The following NREP variants were observed in gnomAD, a reference collection of about 807,000 sequenced individuals.
NREP encodes neuronal regeneration-related protein.
A neutral mutation model predicts 8.6 loss-of-function variants in NREP; 5 were observed. The ratio of observed to expected loss-of-function variants is 0.58; its 90% CI spans 0.30 to 1.22. NREP has a LOEUF of 1.22. Among genes scored for constraint, NREP ranks in the 50% most tolerant of loss-of-function variants. The pLI, the probability that NREP is intolerant of heterozygous loss-of-function variation, is 0.07. For missense variants in NREP, 86 were observed against 82.5 expected, an observed-to-expected ratio of 1.04 and a Z score of -0.17; for synonymous variants, 27 against 28.0, an observed-to-expected ratio of 0.96 and a Z score of 0.11.
At chr5:111,897,295 G>A (rs1468195466) in intron 2 of NREP, among the ~76,000 whole-genome samples, 1 of 152,054 alleles carries the variant, frequency 6.6e-6, no homozygotes, top group African/African-American at 2.4e-5. Context: ...GAAAATAACT[G>A]GAACACAAGT....
At chr5:111,875,309 AAG>A (rs1201800719) in intron 2 of NREP, among the ~76,000 whole-genome samples, 1 of 152,160 alleles carries the variant, frequency 6.6e-6, no homozygotes, top group East Asian at 1.9e-4. Context: ...GAAAAAGAAA[AAG>A]ATAGATAGAA....
intron 2 of NREP, among the ~76,000 whole-genome samples, chr5:111,753,333 TA>T (rs1750488993): frequency 1.7e-3 from 13 of 7,704 alleles, no homozygotes; most frequent in East Asian, 0.032. Context: ...GTTGATTTTA[TA>T]TATATATATA....
chr5:111,956,208 A>C (rs142686071), intron 2 of NREP, among the ~76,000 whole-genome samples: 175 of 152,276 alleles, frequency 1.1e-3, no homozygotes, highest in African/African-American at 4.1e-3. Context: ...AGAATTCTTC[A>C]GGAAAATGGG....
chr5:111,742,937 G>C (rs966563744), intron 2 of NREP, among the ~76,000 whole-genome samples: 4 of 152,076 alleles, frequency 2.6e-5, no homozygotes, highest in African/African-American at 9.7e-5. Context: ...AGGTCAGCCT[G>C]GTACAGTAAT....
chr5:111,801,326 G>A (rs765137914), intron 2 of NREP, among the ~76,000 whole-genome samples: 12 of 152,092 alleles, frequency 7.9e-5, no homozygotes, highest in Non-Finnish European at 1.3e-4. Context: ...GAGAGAGGGG[G>A]TGCAGAGAGG....
At chr5:111,975,697 T>TA (rs1756943607) in intron 1 of NREP, among the ~76,000 whole-genome samples, 1 of 152,208 alleles carries the variant, frequency 6.6e-6, no homozygotes, top group Non-Finnish European at 1.5e-5. Flanking sequence ...AGATATTCAT[T>TA]AAAATTTTCA....
chr5:111,886,828 TG>T lies in NREP; in HGVS notation c.135+88445del, dbSNP rs1754263130. On this transcript the variant is annotated intron_variant, in intron 2 of 3. Coordinates refer to the NREP transcript ENST00000395634. ...CACACTCTGGGGACTGTTGTGGGGTTGGGGGACGGGGGAGGGATAGCATTAG... is the reference window on the plus strand; with the variant it reads ...CACACTCTGGGGACTGTTGTGGGGTTGGGGACGGGGGAGGGATAGCATTAG... Among the ~76,000 whole-genome samples, 4 of 132,366 alleles carry T rather than the reference TG, an allele frequency of 3.0e-5. No individual in the cohort carries two copies. The Admixed American group carries it at 3.2e-4, about 10-fold the overall frequency. 86.8% of individuals were successfully genotyped at this position (132,366 alleles called of 152,430 possible).
intron 2 of NREP, among the ~76,000 whole-genome samples, chr5:111,792,330 TTAAA>T (rs1751768196): frequency 6.6e-6 from 1 of 152,214 alleles, no homozygotes; most frequent in Non-Finnish European, 1.5e-5. Flanking sequence ...ATACACTGCC[TTAAA>T]TAGCCTGTAT....
At chr5:111,767,580 A>C (rs150388130) in intron 2 of NREP, among the ~76,000 whole-genome samples, 226 of 152,222 alleles carry the variant, frequency 1.5e-3, no homozygotes, top group African/African-American at 5.3e-3. Flanking sequence ...TCAAGGTGAA[A>C]ACCTTCCTCA....
At chr5:111,744,912 C>G (rs534205263) in intron 2 of NREP, among the ~76,000 whole-genome samples, 1 of 152,098 alleles carries the variant, frequency 6.6e-6, no homozygotes, top group Non-Finnish European at 1.5e-5. Context: ...ATAGATTTTT[C>G]CCCTCAGTCT....
At chr5:111,861,360 C>A (rs530123246) in intron 2 of NREP, among the ~76,000 whole-genome samples, 3 of 152,262 alleles carry the variant, frequency 2.0e-5, no homozygotes, top group Non-Finnish European at 4.4e-5. Flanking sequence ...CTGGTGGCTA[C>A]TGATACGCCA....
At chr5:111,859,678 T>C (rs1753501703) in intron 2 of NREP, among the ~76,000 whole-genome samples, 1 of 152,064 alleles carries the variant, frequency 6.6e-6, no homozygotes, top group Non-Finnish European at 1.5e-5. Flanking sequence ...TTCTAAAAAC[T>C]GAAAGAGGTC....
chr5:111,964,214 T>C (rs1756563039), intron 2 of NREP, among the ~76,000 whole-genome samples: 1 of 152,252 alleles, frequency 6.6e-6, no homozygotes, highest in South Asian at 2.1e-4. Flanking sequence ...ACATCATATG[T>C]AAACTTTTTA....
chr5:111,858,878 T>G (rs1478869398), intron 2 of NREP, among the ~76,000 whole-genome samples: 4 of 151,966 alleles, frequency 2.6e-5, no homozygotes, highest in Non-Finnish European at 2.9e-5. Context: ...CATAAAACAT[T>G]TCTATGGTTT....
chr5:111,887,248 G>A (rs998059467), intron 2 of NREP, among the ~76,000 whole-genome samples: 1 of 152,076 alleles, frequency 6.6e-6, no homozygotes, highest in Non-Finnish European at 1.5e-5. Flanking sequence ...AAACCCTCCG[G>A]TACATTATTT....
intron 2 of NREP, among the ~76,000 whole-genome samples, chr5:111,745,987 G>A (rs1240848444): frequency 1.3e-5 from 2 of 152,228 alleles, no homozygotes; most frequent in Non-Finnish European, 1.5e-5. Context: ...AATTAGGTAT[G>A]CTGTATTTGA....
At chr5:111,942,775 A>G (rs1755865135) in intron 2 of NREP, among the ~76,000 whole-genome samples, 1 of 152,084 alleles carries the variant, frequency 6.6e-6, no homozygotes. Flanking sequence ...GATTAAGAAC[A>G]TGGACTCAAA....
chr5:111,863,023 T>C (rs1213259093), intron 2 of NREP, among the ~76,000 whole-genome samples: 4 of 151,306 alleles, frequency 2.6e-5, no homozygotes, highest in Non-Finnish European at 5.9e-5. Context: ...AATTAGGGAA[T>C]GGTATGATCT....
chr5:111,748,779 C>T lies in NREP; in HGVS notation c.3+6991G>A, dbSNP rs370647351. Among the ~76,000 whole-genome samples the T allele has an allele frequency of 2.0e-4, 30 of 152,216 alleles. 1 individual carries two copies. The highest frequency in any genetic ancestry group is 9.7e-4 in the East Asian group (5 of 5,168). On this transcript the variant is annotated intron_variant, in intron 2 of 3. Transcript: ENST00000257435. ...AAATGGAAAAAAAAGGCATCACAGC[C>T]TCAACTGCTACCAAAAAGGGAAAGG...
Sources: allele counts gnomAD v4.1 joint callset (sites outside exome capture counted in the v4.1 genomes callset), GRCh38; gene constraint gnomAD v4.1.1; transcripts MANE v1.5; gene names NCBI Gene and HGNC (gene_info 2026-07-23, HGNC 2026-07-21).